Variants in MMUT observed in about 807,000 individuals in gnomAD.
MMUT encodes methylmalonyl-CoA mutase, mitochondrial.
In MMUT, 79 loss-of-function variants were observed where a neutral mutation model predicts 79.9. That is an observed-to-expected ratio of 0.99 (90% CI 0.82 to 1.19). The LOEUF (loss-of-function observed/expected upper bound fraction) is 1.19, where lower values mean the gene tolerates loss of function less well. Ranked by LOEUF, MMUT falls within the 50% of genes most tolerant of loss-of-function variation. The probability of loss-of-function intolerance (pLI) is 0.00; values close to 1 mark genes in which losing one functional copy is unlikely to be tolerated. For synonymous variants in MMUT, 273 were observed against 295.7 expected (o/e 0.92, Z 0.79); for missense variants, 860 against 917.2 (o/e 0.94, Z 0.81).
intron 10 of MMUT, among the ~76,000 whole-genome samples, chr6:49,441,537 A>G (rs1331560790): frequency 6.6e-6 from 1 of 150,792 alleles, no homozygotes; most frequent in Non-Finnish European, 1.5e-5. Context: ...GAAAACTAAT[A>G]TTAGTTTCAA....
At chr6:49,455,327 T>A (rs1211458760) in intron 4 of MMUT, among the ~76,000 whole-genome samples, 1 of 152,130 alleles carries the variant, frequency 6.6e-6, no homozygotes, top group Non-Finnish European at 1.5e-5. Flanking sequence ...AATAAAGCTC[T>A]AACATAAGCA....
At chr6:49,439,671 T>C (rs1206980632) in intron 11 of MMUT, among the ~76,000 whole-genome samples, 2 of 152,182 alleles carry the variant, frequency 1.3e-5, no homozygotes, top group Non-Finnish European at 2.9e-5. Flanking sequence ...TTGGTTTTAG[T>C]AGGAGACAAA....
chr6:49,451,052 T>A (rs2127417746), intron 6 of MMUT, among the ~76,000 whole-genome samples: 1 of 152,324 alleles, frequency 6.6e-6, no homozygotes, highest in East Asian at 1.9e-4. Flanking sequence ...AGGTCTCATG[T>A]GTAATGTCTA....
intron 8 of MMUT, 145 bp downstream of exon 8, chr6:49,447,525 G>C (rs1767438854): frequency 1.6e-6 from 1 of 610,072 alleles, no homozygotes; most frequent in South Asian, 1.9e-5. Context: ...CTTATCTTTA[G>C]TTCCCTTACA....
rs1313954773 is a variant in MMUT at position 49,430,682 on chromosome 6, A to G, written c.*1046T>C. The G allele has an allele frequency of 6.6e-6, 1 of 152,210 alleles. No homozygotes were observed. The highest frequency in any genetic ancestry group is 1.5e-5 in the Non-Finnish European group (1 of 68,036). The allele number at this position is 152,210 out of a possible 1,614,324, so 9.4% of individuals were successfully genotyped here. A position where few individuals can be genotyped will look rare whatever the true frequency, so the allele number is the denominator to read the frequency against. On this transcript the variant is annotated 3_prime_UTR_variant, in exon 13 of 13. Transcript: ENST00000274813. ...TAATACAATAGAAATTTATTAAAAAAGATAATTATTTATGTTATATTCATG... is the reference window on the plus strand; with the variant it reads ...TAATACAATAGAAATTTATTAAAAAGGATAATTATTTATGTTATATTCATG...
At chr6:49,454,900 G>T (rs1434964067) in intron 4 of MMUT, among the ~76,000 whole-genome samples, 2 of 152,018 alleles carry the variant, frequency 1.3e-5, no homozygotes, top group African/African-American at 4.8e-5. Flanking sequence ...TTAAAACTTA[G>T]CCAGGTATGG....
At chr6:49,453,515 G>T in intron 5 of MMUT, 70 bp downstream of exon 5, 1 of 745,302 alleles carries the variant, frequency 1.3e-6, no homozygotes, top group Non-Finnish European at 2.0e-6. Context: ...TCCTGCTTGT[G>T]CCACATTGCT....
chr6:49,440,460 C>T, intron 10 of MMUT, 107 bp from the exon 11 acceptor site: 1 of 1,219,286 alleles, frequency 8.2e-7, no homozygotes, highest in Non-Finnish European at 1.2e-6. Flanking sequence ...TTTAAAAGCA[C>T]CTAATTTGTT....
At chr6:49,444,284 C>T (rs759677132) in intron 9 of MMUT, among the ~76,000 whole-genome samples, 5 of 151,966 alleles carry the variant, frequency 3.3e-5, no homozygotes, top group Non-Finnish European at 5.9e-5. Context: ...TGTTCCCCTC[C>T]CCACCCCACA....
intron 8 of MMUT, among the ~76,000 whole-genome samples, chr6:49,447,020 G>A (rs1767426775): frequency 1.3e-5 from 2 of 151,658 alleles, no homozygotes; most frequent in African/African-American, 2.4e-5. Context: ...AAATATATAG[G>A]TTACAACAGT....
intron 11 of MMUT, among the ~76,000 whole-genome samples, chr6:49,436,012 C>A (rs1163250498): frequency 1.3e-5 from 2 of 152,030 alleles, no homozygotes; most frequent in African/African-American, 2.4e-5. Flanking sequence ...GGCCAACAAT[C>A]GTATTTTTAA....
chr6:49,440,155 T>A (rs770495425), intron 11 of MMUT, 51 bp downstream of exon 11: 3 of 1,600,356 alleles, frequency 1.9e-6, no homozygotes, highest in Non-Finnish European at 2.6e-6. Context: ...ATTTTCTAAA[T>A]GTAAGTGACT....
Position 49,459,155 on chromosome 6 carries a change from G to A in MMUT, c.312C>T (p.Pro104=). 6.2e-7 allele frequency: 1 copy of A among 1,614,142 alleles called. No homozygotes were observed. The highest frequency in any genetic ancestry group is 8.5e-7 in the Non-Finnish European group (1 of 1,180,006). ...AACCAGCATACTGGCGGATGGTCCAGGGCCTAAAGGTATACATGGTAGGAT... is the reference window on the plus strand; with the variant it reads ...AACCAGCATACTGGCGGATGGTCCAAGGCCTAAAGGTATACATGGTAGGAT... The part of the protein sequence containing the change: ...GPYPTMYTFR[P]WTIRQYAGFS... The change falls in exon 2 of 13, where the codon CCC becomes CCT. Residue 104 remains proline (P), a synonymous_variant. Transcript: ENST00000274813.
chr6:49,431,667 T>A lies in MMUT; in HGVS notation c.*61A>T. ...AATTAAATTGAAGACATAGCTTTAC[T>A]CTCTTCTTTGATCATAACTAAAATA... On this transcript the variant is annotated 3_prime_UTR_variant, in exon 13 of 13. Coordinates refer to ENST00000274813, the MANE Select transcript of MMUT (RefSeq NM_000255.4). The A allele has an allele frequency of 6.5e-7, 1 of 1,542,130 alleles. No homozygotes were observed. The highest frequency in any genetic ancestry group is 1.4e-5 in the African/African-American group (1 of 73,226).
rs7769646 is a variant in MMUT, at chr6:49,453,528, G to A, written c.1083+57C>T. The A allele has an allele frequency of 0.36, 351,826 of 987,060 alleles. 63,562 individuals carry two copies. The highest frequency in any genetic ancestry group is 0.42 in the African/African-American group (24,282 of 58,486). 61.1% of individuals were successfully genotyped at this position (987,060 alleles called of 1,614,324 possible). A position where few individuals can be genotyped will look rare whatever the true frequency, so the allele number is the denominator to read the frequency against. ...TTTCCTGCTTGTGCCACATTGCTCA[G>A]AAAAAATATATATATATAACTTTAT... is the stretch of plus-strand genomic sequence containing the variant. On this transcript the variant is annotated intron_variant, in intron 5 of 12. Coordinates refer to ENST00000274813, the MANE Select transcript of MMUT (RefSeq NM_000255.4).
intron 9 of MMUT, among the ~76,000 whole-genome samples, chr6:49,442,661 GAT>G (rs1767306983): frequency 6.6e-6 from 1 of 152,008 alleles, no homozygotes; most frequent in Admixed American, 6.6e-5. Context: ...TTTGAACTAA[GAT>G]ATAAATTATA....
intron 4 of MMUT, among the ~76,000 whole-genome samples, chr6:49,454,881 C>A (rs1767647032): frequency 6.6e-6 from 1 of 152,024 alleles, no homozygotes; most frequent in African/African-American, 2.4e-5. Context: ...CCCATCTCTA[C>A]AGGAAAACTT....
Position 49,451,643 on chromosome 6 carries a change from C to G in MMUT, c.1155G>C (p.Leu385Phe). 1 of 1,614,084 alleles carries G rather than the reference C, an allele frequency of 6.2e-7. No individual in the cohort carries two copies. Among genetic ancestry groups the G allele is most frequent in the Non-Finnish European group, 8.5e-7 (1 of 1,179,982 alleles). Residue 385 changes from leucine (L) to phenylalanine (F), a missense_variant, in exon 6 of 13, where the codon TTG (leucine) becomes TTC (phenylalanine). Coordinates refer to ENST00000274813, the MANE Select transcript of MMUT (RefSeq NM_000255.4). ...AAGCTTCATCAAAAGAATTTGTGTG[C>G]AAAGACTGAGTCCCTCCAAATACTG... The part of the protein sequence containing the change: ...MAAVFGGTQS[L>F]HTNSFDEALG...
In MMUT at chr6:49,431,471, T is replaced by G. The variant is rs187747098; in HGVS notation, c.*257A>C. The G allele has an allele frequency of 1.9e-3, 467 of 247,618 alleles. 1 individual carries two copies. Among genetic ancestry groups the G allele is most frequent in the African/African-American group, 4.6e-3 (203 of 44,128 alleles). 15.3% of individuals were successfully genotyped at this position (247,618 alleles called of 1,614,324 possible). ...ACCATGATTTTTAAAAATAATACCA[T>G]TGTCCAGAGTTCTTGATAAAGTATT... On this transcript the variant is annotated 3_prime_UTR_variant, in exon 13 of 13. Transcript: ENST00000274813.
Sources: gnomAD v4.1 joint callset for allele counts (sites outside exome capture counted in the v4.1 genomes callset) on GRCh38, gnomAD v4.1.1 for gene constraint, MANE v1.5 for transcripts, NCBI Gene and HGNC (gene_info 2026-07-23, HGNC 2026-07-21) for gene names.